WDR72: variants seen among roughly 807,000 people sequenced by gnomAD.
WDR72 encodes WD repeat-containing protein 72.
WDR72 carries 120 observed loss-of-function variants against 124.2 expected under a neutral mutation model. That is an observed-to-expected ratio of 0.97 (90% CI 0.83 to 1.12). The LOEUF (loss-of-function observed/expected upper bound fraction) is 1.12, where lower values mean the gene tolerates loss of function less well. Ranked by LOEUF, WDR72 falls within the 50% of genes most tolerant of loss-of-function variation. The pLI, the probability that WDR72 is intolerant of heterozygous loss-of-function variation, is 0.00. For missense variants in WDR72, 1,387 were observed against 1,278.8 expected (o/e 1.08, Z -1.29); for synonymous variants, 452 against 441.7 (o/e 1.02, Z -0.29).
chr15:53,669,167 C>T (rs1198526435), intron 13 of WDR72, among the ~76,000 whole-genome samples: 1 of 152,064 alleles, frequency 6.6e-6, no homozygotes, highest in South Asian at 2.1e-4. Flanking sequence ...GCGGGGCTAG[C>T]AGCACTTTGC....
chr15:53,576,092 A>G (rs1488368883), intron 18 of WDR72, among the ~76,000 whole-genome samples: 1 of 152,154 alleles, frequency 6.6e-6, no homozygotes, highest in Non-Finnish European at 1.5e-5. Flanking sequence ...CCCAACTTTA[A>G]GCCTGCTCCA....
intron 13 of WDR72, among the ~76,000 whole-genome samples, chr15:53,684,784 G>C (rs2016549580): frequency 1.3e-5 from 2 of 151,504 alleles, no homozygotes; most frequent in African/African-American, 4.8e-5. Context: ...AAAGACAGCA[G>C]TAACCTCTGC....
chr15:53,660,118 T>C (rs922724272), intron 14 of WDR72, among the ~76,000 whole-genome samples: 3 of 151,974 alleles, frequency 2.0e-5, no homozygotes, highest in Non-Finnish European at 4.4e-5. Flanking sequence ...TTAAAAAGAA[T>C]AAATCAAAAA....
At chr15:53,547,762 C>A (rs1893544025) in intron 18 of WDR72, among the ~76,000 whole-genome samples, 1 of 152,084 alleles carries the variant, frequency 6.6e-6, no homozygotes, top group Non-Finnish European at 1.5e-5. Context: ...GCTAAAGAAA[C>A]CTGCCCATCC....
Position 53,706,094 on chromosome 15 carries a change from T to G in WDR72, c.955-20A>C. 6.2e-7 allele frequency: 1 copy of G among 1,613,538 alleles called. No homozygotes were observed. Among genetic ancestry groups the G allele is most frequent in the Non-Finnish European group, 8.5e-7 (1 of 1,179,852 alleles). On this transcript the variant is annotated intron_variant, in intron 9 of 19. Transcript: ENST00000360509. ...CTGTTCCTAAACAAAAAGTGAGCTT[T>G]TATGTAGGAAATATTCTAACTAGAG...
rs544635344 is a variant in WDR72, at chr15:53,658,352, T to C, written c.1962+7220A>G. 5.3e-5 allele frequency among the ~76,000 whole-genome samples: 8 copies of C among 152,316 alleles called. 1 individual carries two copies. Among genetic ancestry groups the C allele is most frequent in the Admixed American group, 4.6e-4 (7 of 15,286 alleles). On this transcript the variant is annotated intron_variant, in intron 14 of 19. Transcript: ENST00000360509. ...CAAAAAATAGCCCTGTGTGTAGTTA[T>C]TGTAATTAACAGATTCAATATCTAT...
intron 18 of WDR72, among the ~76,000 whole-genome samples, chr15:53,593,989 TA>T (rs2012641043): frequency 1.3e-5 from 2 of 152,004 alleles, no homozygotes; most frequent in South Asian, 4.1e-4. Context: ...ATGAACATTT[TA>T]AAAATGGTAA....
chr15:53,547,989 G>GA (rs1361010087), intron 18 of WDR72, among the ~76,000 whole-genome samples: 1 of 152,218 alleles, frequency 6.6e-6, no homozygotes, highest in Admixed American at 6.5e-5. Context: ...AAAGGTTGAT[G>GA]ACGTCTTTGT....
chr15:53,716,769 A>AGTGCT, intron 3 of WDR72, 84 bp from the exon 4 acceptor site: 1 of 955,680 alleles, frequency 1.0e-6, no homozygotes, highest in African/African-American at 1.6e-5. Flanking sequence ...GTTTTTCTTT[A>AGTGCT]GCAGCCTGAT....
chr15:53,726,192 A>ATGTGTG (rs1555428745), intron 2 of WDR72, among the ~76,000 whole-genome samples: 3 of 126,558 alleles, frequency 2.4e-5, no homozygotes, highest in African/African-American at 8.1e-5. Flanking sequence ...ATATATATAT[A>ATGTGTG]TGTGTGTGTG....
At chr15:53,567,173 C>G (rs1894330559) in intron 18 of WDR72, among the ~76,000 whole-genome samples, 1 of 151,916 alleles carries the variant, frequency 6.6e-6, no homozygotes, top group Non-Finnish European at 1.5e-5. Flanking sequence ...AGCTGTGTGT[C>G]CAACATGTGT....
chr15:53,541,576 C>A (rs879179175), intron 18 of WDR72, among the ~76,000 whole-genome samples: 20 of 151,314 alleles, frequency 1.3e-4, no homozygotes, highest in African/African-American at 4.9e-4. Context: ...TACTCTAAAA[C>A]GCAGAGCGCC....
At chr15:53,734,136 G>A (rs2018281979) in intron 1 of WDR72, among the ~76,000 whole-genome samples, 1 of 151,392 alleles carries the variant, frequency 6.6e-6, no homozygotes, top group Admixed American at 6.6e-5. Context: ...TATTTCTAAT[G>A]TTCAATTATA....
chr15:53,753,466 T>A (rs2018822672), intron 1 of WDR72, among the ~76,000 whole-genome samples: 1 of 152,228 alleles, frequency 6.6e-6, no homozygotes, highest in Non-Finnish European at 1.5e-5. Flanking sequence ...AGCAAGGCTA[T>A]GAATGCAGAA....
chr15:53,654,727 A>T (rs2015357294), intron 14 of WDR72, among the ~76,000 whole-genome samples: 1 of 152,212 alleles, frequency 6.6e-6, no homozygotes, highest in Non-Finnish European at 1.5e-5. Flanking sequence ...TCAGATGTAT[A>T]TTGAGGGCAT....
chr15:53,696,687 G>A (rs2017013295), intron 13 of WDR72, among the ~76,000 whole-genome samples: 1 of 152,172 alleles, frequency 6.6e-6, no homozygotes, highest in Non-Finnish European at 1.5e-5. Context: ...CAGAAATCAA[G>A]TGCAGTAAAC....
intron 14 of WDR72, among the ~76,000 whole-genome samples, chr15:53,638,560 T>C (rs1324199499): frequency 6.7e-6 from 1 of 150,352 alleles, no homozygotes; most frequent in Non-Finnish European, 1.5e-5. Flanking sequence ...CAAGATTTTA[T>C]ATTTTCTCCT....
intron 12 of WDR72, among the ~76,000 whole-genome samples, chr15:53,701,559 T>TCTCTCTCTCTCTCTCACACACA (rs369568228): frequency 2.5e-5 from 3 of 120,164 alleles, no homozygotes; most frequent in East Asian, 5.8e-4. Flanking sequence ...TCTCTCTCTC[T>TCTCTCTCTCTCTCTCACACACA]CACACACACA....
At chr15:53,599,070 G>T (rs980694057) in intron 17 of WDR72, among the ~76,000 whole-genome samples, 2 of 151,916 alleles carry the variant, frequency 1.3e-5, no homozygotes, top group Admixed American at 6.6e-5. Context: ...GATGCAGTGA[G>T]CCCAGATTGC....
Sources: allele counts gnomAD v4.1 joint callset (sites outside exome capture counted in the v4.1 genomes callset), GRCh38; gene constraint gnomAD v4.1.1; transcripts MANE v1.5; gene names NCBI Gene and HGNC (gene_info 2026-07-23, HGNC 2026-07-21).